CLCN7: variants seen among roughly 807,000 people sequenced by gnomAD.
CLCN7 encodes the protein H(+)/Cl(-) exchange transporter 7.
Under a neutral mutation model 102.1 loss-of-function variants are expected in CLCN7, and 60 were observed. The observed-to-expected ratio is 0.59, with a 90% CI of 0.48 to 0.73. CLCN7 has a LOEUF of 0.73. Ranked by LOEUF, CLCN7 falls within the 30% of genes least tolerant of loss-of-function variation. The pLI is 0.00. For missense variants in CLCN7, 962 were observed against 1,125.7 expected, an observed-to-expected ratio of 0.85 and a Z score of 2.08; for synonymous variants, 560 against 490.5, an observed-to-expected ratio of 1.14 and a Z score of -1.87.
chr16:1,460,662 G>A (rs1445767355), intron 5 of CLCN7, 135 bp from the exon 6 acceptor site: 7 of 1,304,214 alleles, frequency 5.4e-6, no homozygotes, highest in Admixed American at 1.9e-5. Context: ...ACATCCCAGA[G>A]ACGTCTCACG....
intron 1 of CLCN7, among the ~76,000 whole-genome samples, chr16:1,473,382 T>TTA (rs1451906803): frequency 7.0e-6 from 1 of 142,186 alleles, no homozygotes; most frequent in East Asian, 2.1e-4. Context: ...TTTTTTTTTT[T>TTA]TTTTTTTTTT....
At position 1,461,630 on chromosome 16, in the gene CLCN7, G is replaced by A. The variant is rs539519239; in HGVS notation, c.258C>T (p.Asn86=). The stretch of plus-strand genomic sequence containing the variant: ...CATACTTGAGGGACAGGAGCTTCTC[G>A]TTGTGTGGGATCTCCTTGGGGAAGG... ...PHPFPKEIPH[N]EKLLSLKYES... is the part of the protein sequence containing the mutation. The change falls in exon 3 of 25, where the codon AAC becomes AAT. Residue 86 remains asparagine, a synonymous_variant. Transcript: ENST00000382745. 1.9e-5 allele frequency: 30 copies of A among 1,614,148 alleles called. No homozygotes were observed. The highest frequency in any genetic ancestry group is 9.3e-5 in the African/African-American group (7 of 75,044).
intron 1 of CLCN7, among the ~76,000 whole-genome samples, chr16:1,472,920 C>A (rs1005393173): frequency 6.6e-6 from 1 of 151,152 alleles, no homozygotes; most frequent in Non-Finnish European, 1.5e-5. Flanking sequence ...ATGCATATCA[C>A]CACACCTGGC....
chr16:1,447,095 G>A lies in CLCN7; in HGVS notation c.2251-9C>T, dbSNP rs751098749. On this transcript the variant is annotated splice_polypyrimidine_tract_variant and intron_variant, in intron 23 of 24. Transcript: ENST00000382745. ...CGTGGGAGCGACGCCTCCTGCAGCA[G>A]GGGCACAGCTGTCAGTGCCCGCCCA... 6.9e-6 allele frequency: 11 copies of A among 1,590,606 alleles called. No homozygotes were observed. Among genetic ancestry groups the A allele is most frequent in the East Asian group, 2.3e-5 (1 of 44,032 alleles).
chr16:1,469,701 TAAAC>T (rs1460031644), intron 1 of CLCN7, among the ~76,000 whole-genome samples: 2 of 151,756 alleles, frequency 1.3e-5, no homozygotes, highest in African/African-American at 2.4e-5. Flanking sequence ...AAAACAAAAA[TAAAC>T]AAAAAACCAA....
Position 1,455,177 on chromosome 16 carries a change from A to G in CLCN7, c.1055T>C (p.Leu352Pro). Residue 352 changes from leucine (L) to proline (P), a missense_variant, in exon 12 of 25, where the codon CTG becomes CCG. Leu to Pro is a moderately conservative substitution (Grantham distance 98, BLOSUM62 -3). This residue lies in a region of CLCN7 where 799 missense variants were observed against 988.0 expected (regional missense o/e 0.81). Transcript: ENST00000382745. The stretch of plus-strand genomic sequence containing the variant: ...GAAGTTGATGAGGCCTGGGCTGGAC[A>G]GGTCCCACATGTTCCCGTGGTAAAT... ...LSIYHGNMWD[L>P]SSPGLINFGR... The G allele has an allele frequency of 1.9e-6, 3 of 1,613,858 alleles. No individual in the cohort carries two copies. Among genetic ancestry groups the G allele is most frequent in the South Asian group, 1.1e-5 (1 of 91,082 alleles).
At chr16:1,456,723 C>T (rs1307448509) in intron 9 of CLCN7, among the ~76,000 whole-genome samples, 4 of 152,008 alleles carry the variant, frequency 2.6e-5, no homozygotes, top group Admixed American at 6.6e-5. Context: ...CACCTATAAT[C>T]CCAGCTACTC....
At chr16:1,452,722 C>A (rs747646961) in intron 15 of CLCN7, 33 bp downstream of exon 15, 1 of 1,564,394 alleles carries the variant, frequency 6.4e-7, no homozygotes, top group Non-Finnish European at 8.7e-7. Context: ...GGCTGCCCTG[C>A]CTGCTGGACC....
In CLCN7 at chr16:1,457,274, A is replaced by C; in HGVS notation, c.802T>G (p.Ser268Ala). 1 of 1,614,044 alleles carries C rather than the reference A, an allele frequency of 6.2e-7. No individual in the cohort carries two copies. The highest frequency in any genetic ancestry group is 8.5e-7 in the Non-Finnish European group (1 of 1,180,012). Residue 268 changes from serine (S) to alanine (A), a missense_variant, in exon 9 of 25, where the codon TCA (serine) becomes GCA (alanine). By Grantham distance (99) the Ser-to-Ala change is moderately conservative. Transcript: ENST00000382745. The surrounding 1 kb of genome is among the most constrained non-coding windows in gnomAD (Gnocchi z 5.4). ...AAGISQGRST[S>A]LKRDFKIFEY... Reference sequence around the variant, plus strand: ...CTCACCTTGAAATCTCGTTTCAGTGACGTTGACCTTCCCTGAGAGATCCCG... The same window carrying C: ...CTCACCTTGAAATCTCGTTTCAGTGCCGTTGACCTTCCCTGAGAGATCCCG...
At position 1,460,689 on chromosome 16, in the gene CLCN7, GA is replaced by G. The variant is rs2038921034; in HGVS notation, c.484+126del. On this transcript the variant is annotated intron_variant, in intron 5 of 24. Transcript: ENST00000382745. ...CGTCTCACGGCCCAACCATGACAGG[GA>G]CACAGCCAGCCTGGCCGGGCCGCCT... 3 of 1,446,994 alleles carry G rather than the reference GA, an allele frequency of 2.1e-6. No homozygotes were observed. The African/African-American group carries it at 4.2e-5, about 20-fold the overall frequency. The allele number at this position is 1,446,994 out of a possible 1,614,324, so 89.6% of individuals were successfully genotyped here.
intron 23 of CLCN7, 58 bp downstream of exon 23, chr16:1,447,334 C>T (rs902638175): frequency 3.3e-6 from 5 of 1,497,622 alleles, no homozygotes; most frequent in Non-Finnish European, 4.5e-6. Context: ...AGGCTCTGGA[C>T]CCCACCCCCT....
rs201062573 is a variant in CLCN7 at position 1,447,130 on chromosome 16, G to C, written c.2251-44C>G. On this transcript the variant is annotated intron_variant, in intron 23 of 24. Coordinates refer to ENST00000382745, the MANE Select transcript of CLCN7 (RefSeq NM_001287.6). ...TGTCAGTGCCCGCCCACACAGCAGA[G>C]GCAGGCGGGACCCTCACCCAAGCTG... 8.5e-6 allele frequency: 13 copies of C among 1,537,286 alleles called. No individual in the cohort carries two copies. The South Asian group carries it at 1.5e-4, about 18-fold the overall frequency.
intron 1 of CLCN7, among the ~76,000 whole-genome samples, chr16:1,473,953 G>A (rs1479034160): frequency 3.3e-5 from 5 of 151,844 alleles, no homozygotes; most frequent in African/African-American, 2.4e-5. Flanking sequence ...GCGCGGTGGC[G>A]CACGCCTGTA....
chr16:1,459,807 G>A (rs112277364), intron 6 of CLCN7, among the ~76,000 whole-genome samples: 257 of 21,882 alleles, frequency 0.012, no homozygotes, highest in Admixed American at 0.019. Context: ...AGGGGAGAGC[G>A]GCACACACGT....
In CLCN7 at chr16:1,446,732, C is replaced by G. The variant is rs1319319475; in HGVS notation, c.2332-15G>C. 6.4e-7 allele frequency: 1 copy of G among 1,568,580 alleles called. No individual in the cohort carries two copies. The highest frequency in any genetic ancestry group is 2.4e-5 in the East Asian group (1 of 42,126). On this transcript the variant is annotated splice_polypyrimidine_tract_variant and intron_variant, in intron 24 of 24. Transcript: ENST00000382745. ...AACCCGACAACCTGCAGGACAAGTC[C>G]AGGCCACAGTGACACACGGGTCGGC...
chr16:1,461,615 G>A lies in CLCN7; in HGVS notation c.273C>T (p.Ser91=), dbSNP rs1360497689. The A allele has an allele frequency of 6.2e-7, 1 of 1,614,142 alleles. No individual in the cohort carries two copies. The highest frequency in any genetic ancestry group is 1.6e-4 in the Middle Eastern group (1 of 6,062). ...KEIPHNEKLL[S]LKYESLDYDN... The stretch of plus-strand genomic sequence containing the variant: ...GAAGGACGCCCACCTCATACTTGAG[G>A]GACAGGAGCTTCTCGTTGTGTGGGA... The change falls in exon 3 of 25, where the codon TCC becomes TCT. Residue 91 remains serine (S), a synonymous_variant. Transcript: ENST00000382745.
At chr16:1,468,671 G>A (rs1174970907) in intron 1 of CLCN7, among the ~76,000 whole-genome samples, 1 of 152,124 alleles carries the variant, frequency 6.6e-6, no homozygotes, top group East Asian at 1.9e-4. Flanking sequence ...CGGACGGGAG[G>A]CGAGGTCATC....
intron 5 of CLCN7, 54 bp downstream of exon 5, chr16:1,460,762 C>G: frequency 6.2e-7 from 1 of 1,612,324 alleles, no homozygotes; most frequent in Non-Finnish European, 8.5e-7. Flanking sequence ...GCCCGGGACT[C>G]GGCCCAGGCC....
At chr16:1,451,990 C>T (rs1175027893) in intron 15 of CLCN7, 5 of 451,830 alleles carry the variant, frequency 1.1e-5, no homozygotes, top group South Asian at 1.0e-4. Context: ...TTAGCAGGAC[C>T]ATGGGCTGAG....
Sources: gnomAD v4.1 joint callset for allele counts (sites outside exome capture counted in the v4.1 genomes callset) on GRCh38, gnomAD v4.1.1 for gene constraint, gnomAD v4.1.1 regional missense constraint, Gnocchi (gnomAD v3.1) non-coding constraint, MANE v1.5 for transcripts, NCBI Gene and HGNC (gene_info 2026-07-23, HGNC 2026-07-21) for gene names.